GSN: variants seen among roughly 807,000 people sequenced by gnomAD.
GSN encodes the protein actin-depolymerizing factor.
In GSN, 56 loss-of-function variants were observed where a neutral mutation model predicts 85.7. That is an observed-to-expected ratio of 0.65 (90% CI 0.53 to 0.82). The LOEUF is 0.82. Among genes scored for constraint, GSN ranks in the 40% least tolerant of loss-of-function variants. The pLI, the probability that GSN is intolerant of heterozygous loss-of-function variation, is 0.00. For missense variants in GSN, 857 were observed against 979.8 expected (o/e 0.87, Z 1.67); for synonymous variants, 373 against 399.1 (o/e 0.93, Z 0.78).
intron 8 of GSN, chr9:121,317,485 A>AT (rs2061854794): frequency 2.1e-6 from 1 of 470,496 alleles, no homozygotes; most frequent in African/African-American, 2.0e-5. Context: ...TGAGAGGCTA[A>AT]TTGGCATCCT....
chr9:121,325,490 C>T (rs1361087082), intron 12 of GSN, among the ~76,000 whole-genome samples: 2 of 152,074 alleles, frequency 1.3e-5, no homozygotes, highest in African/African-American at 2.4e-5. Flanking sequence ...GCCATAGTGA[C>T]GATGTTGACC....
chr9:121,210,666 A>G (rs1438116858), intron 3 of GSN: 1 of 152,238 alleles, frequency 6.6e-6, no homozygotes, highest in Non-Finnish European at 1.5e-5. Context: ...ACCGACATGC[A>G]TGTGGTTTGG....
At chr9:121,267,463 C>G (rs764176734), upstream of GSN, among the ~76,000 whole-genome samples, 2 of 152,128 alleles carry the variant, frequency 1.3e-5, no homozygotes, top group Non-Finnish European at 2.9e-5. Context: ...TCTTCTCAAC[C>G]GCCCCATGAA....
intron 2 of GSN, chr9:121,282,924 C>A: frequency 5.3e-6 from 1 of 189,984 alleles, no homozygotes; most frequent in Admixed American, 6.2e-5. Flanking sequence ...GAGAGCTTTG[C>A]TTATTCATCC....
At chr9:121,295,436 G>A (rs2059119372) in intron 2 of GSN, among the ~76,000 whole-genome samples, 1 of 152,226 alleles carries the variant, frequency 6.6e-6, no homozygotes, top group South Asian at 2.1e-4. Flanking sequence ...TAGACTCCAA[G>A]AGAGGGCTTT....
chr9:121,238,409 T>C (rs1422668159), intron 5 of GSN, among the ~76,000 whole-genome samples: 1 of 152,218 alleles, frequency 6.6e-6, no homozygotes, highest in Non-Finnish European at 1.5e-5. Flanking sequence ...TTCTGGATGC[T>C]TCCTGGCCTT....
chr9:121,279,091 A>G (rs770149598), intron 1 of GSN, among the ~76,000 whole-genome samples: 1 of 152,144 alleles, frequency 6.6e-6, no homozygotes, highest in Non-Finnish European at 1.5e-5. Context: ...CAAATAGACT[A>G]TTACAGTAGA....
At chr9:121,266,216 G>A (rs1262908481), upstream of GSN, among the ~76,000 whole-genome samples, 4 of 152,196 alleles carry the variant, frequency 2.6e-5, no homozygotes, top group Non-Finnish European at 5.9e-5. Context: ...TCTCTAAAGG[G>A]AGGAGTTGGA....
At chr9:121,296,690 T>C (rs2059252390) in intron 2 of GSN, among the ~76,000 whole-genome samples, 1 of 152,174 alleles carries the variant, frequency 6.6e-6, no homozygotes, top group African/African-American at 2.4e-5. Context: ...GGGGTCCTTC[T>C]CTTGTACCTG....
chr9:121,267,897 G>T (rs2055297414), upstream of GSN, among the ~76,000 whole-genome samples: 1 of 152,114 alleles, frequency 6.6e-6, no homozygotes. Flanking sequence ...CCCGACCCTA[G>T]GCCTCTTCAG....
intron 10 of GSN, 42 bp from the exon 11 acceptor site, chr9:121,321,226 G>C (rs367574701): frequency 3.1e-6 from 5 of 1,610,058 alleles, no homozygotes; most frequent in Non-Finnish European, 4.2e-6. Flanking sequence ...GCTGGGGGGT[G>C]GGGGTGCTGC....
At chr9:121,286,905 C>A in intron 2 of GSN, 1 of 707,716 alleles carries the variant, frequency 1.4e-6, no homozygotes, top group Non-Finnish European at 2.4e-6. Flanking sequence ...ACAATGCCAG[C>A]CATGGGTTTT....
intron 6 of GSN, among the ~76,000 whole-genome samples, chr9:121,262,407 C>A (rs1041223366): frequency 6.6e-6 from 1 of 152,166 alleles, no homozygotes; most frequent in Non-Finnish European, 1.5e-5. Context: ...GGGCAATTGT[C>A]AAGCTTAATT....
At chr9:121,281,221 C>A in intron 1 of GSN, 1 of 207,032 alleles carries the variant, frequency 4.8e-6, no homozygotes. Context: ...CTAATACCAG[C>A]AGGTACAAGG....
chr9:121,282,237 A>C (rs1003443506), intron 2 of GSN: 2 of 584,546 alleles, frequency 3.4e-6, no homozygotes, highest in Non-Finnish European at 6.3e-6. Flanking sequence ...GTCTCCCCCT[A>C]CCCACCTAAC....
intron 4 of GSN, among the ~76,000 whole-genome samples, chr9:121,225,039 G>A (rs993066726): frequency 7.2e-5 from 11 of 151,772 alleles, no homozygotes; most frequent in African/African-American, 2.4e-4. Flanking sequence ...GGCTATTCTC[G>A]AACTCCTGGG....
intron 10 of GSN, among the ~76,000 whole-genome samples, chr9:121,319,842 A>G (rs2062187191): frequency 6.6e-6 from 1 of 152,144 alleles, no homozygotes; most frequent in African/African-American, 2.4e-5. Context: ...CACAGTGGAG[A>G]AGGGGAAGAG....
chr9:121,300,645 C>G (rs2059737619), intron 2 of GSN, among the ~76,000 whole-genome samples: 1 of 152,296 alleles, frequency 6.6e-6, no homozygotes, highest in Admixed American at 6.5e-5. Flanking sequence ...CTCCTGCACC[C>G]TCCCCGGCCC....
intron 1 of GSN, among the ~76,000 whole-genome samples, chr9:121,276,725 A>C (rs2056722737): frequency 6.6e-6 from 1 of 151,808 alleles, no homozygotes; most frequent in African/African-American, 2.4e-5. Context: ...AAATGATTTC[A>C]GTTCTCATGA....
Sources: allele counts gnomAD v4.1 joint callset (sites outside exome capture counted in the v4.1 genomes callset), GRCh38; gene constraint gnomAD v4.1.1; transcripts MANE v1.5; gene names NCBI Gene and HGNC (gene_info 2026-07-23, HGNC 2026-07-21).